Variants in PAMR1 observed in about 807,000 individuals in gnomAD.
PAMR1 encodes peptidase domain containing associated with muscle regeneration 1, also known as inactive serine protease PAMR1.
A neutral mutation model predicts 81.8 loss-of-function variants in PAMR1; 88 were observed. That is an observed-to-expected ratio of 1.08 (90% CI 0.91 to 1.28). The LOEUF is 1.28. PAMR1 is among the 50% of genes most tolerant of loss of function. The pLI is 0.00. For missense variants in PAMR1, 935 were observed against 919.7 expected (o/e 1.02, Z -0.21); for synonymous variants, 336 against 345.3 (o/e 0.97, Z 0.30).
intron 6 of PAMR1, among the ~76,000 whole-genome samples, chr11:35,464,688 AG>A (rs889794112): frequency 9.9e-5 from 15 of 152,244 alleles, no homozygotes; most frequent in African/African-American, 3.1e-4. Context: ...GCAGAAAAAA[AG>A]GTCTAGAAGA....
chr11:35,434,945 C>G lies in PAMR1; in HGVS notation c.1334-141G>C, dbSNP rs142515446. ...CCACTAAGATAAGTAACCCAGTTTT[C>G]TTCTGCATTTAAATATTAATCAACC... On this transcript the variant is annotated intron_variant, in intron 9 of 10. Transcript: ENST00000619888. 912 of 757,478 alleles carry G rather than the reference C, an allele frequency of 1.2e-3. 4 individuals are homozygous for G. In the African/African-American group the frequency reaches 0.014, roughly 12 times the overall value. 46.9% of individuals were successfully genotyped at this position (757,478 alleles called of 1,614,324 possible).
intron 6 of PAMR1, among the ~76,000 whole-genome samples, chr11:35,446,961 A>C (rs1856305610): frequency 6.6e-6 from 1 of 152,018 alleles, no homozygotes; most frequent in Admixed American, 6.6e-5. Context: ...TTTGTATGGG[A>C]GTGTAAGTCT....
rs142152713 is a variant in PAMR1, at chr11:35,513,368, C to T, written c.73+12145G>A. 7 of 152,270 alleles carry T rather than the reference C, an allele frequency of 4.6e-5. No individual in the cohort carries two copies. In the East Asian group the frequency reaches 1.4e-3, roughly 29 times the overall value. The allele number at this position is 152,270 out of a possible 1,614,324, so 9.4% of individuals were successfully genotyped here. A position where few individuals can be genotyped will look rare whatever the true frequency, so the allele number is the denominator to read the frequency against. On this transcript the variant is annotated intron_variant, in intron 1 of 10. Transcript: ENST00000619888. The stretch of plus-strand genomic sequence containing the variant: ...CTGAGGTCCAGAGGGGTTAAATACT[C>T]ACAAGTAGTAAGTAGCAGAGACAGG...
At chr11:35,528,113 G>T (rs1851419887), upstream of PAMR1, among the ~76,000 whole-genome samples, 1 of 151,998 alleles carries the variant, frequency 6.6e-6, no homozygotes, top group Non-Finnish European at 1.5e-5. Context: ...GAACCTGAAG[G>T]ATAGCAGTCT....
intron 1 of PAMR1, among the ~76,000 whole-genome samples, chr11:35,503,906 T>C (rs1850901591): frequency 6.6e-6 from 1 of 152,180 alleles, no homozygotes; most frequent in African/African-American, 2.4e-5. Flanking sequence ...AGTATTATAA[T>C]GAATAATAAA....
intron 1 of PAMR1, among the ~76,000 whole-genome samples, chr11:35,521,872 A>T (rs1043441215): frequency 4.6e-5 from 7 of 152,100 alleles, no homozygotes; most frequent in African/African-American, 1.7e-4. Flanking sequence ...TGTGGAAAAT[A>T]TATACATAAC....
At chr11:35,444,089 A>T (rs1345931273) in intron 6 of PAMR1, among the ~76,000 whole-genome samples, 1 of 152,262 alleles carries the variant, frequency 6.6e-6, no homozygotes, top group Non-Finnish European at 1.5e-5. Context: ...AACTGACTTC[A>T]AATTATACTA....
At chr11:35,501,836 G>A (rs1850850527) in intron 1 of PAMR1, among the ~76,000 whole-genome samples, 1 of 152,070 alleles carries the variant, frequency 6.6e-6, no homozygotes, top group Non-Finnish European at 1.5e-5. Context: ...ATCATCCACC[G>A]ATGGGTACTT....
At chr11:35,518,125 C>T (rs1851202006) in intron 1 of PAMR1, among the ~76,000 whole-genome samples, 1 of 152,092 alleles carries the variant, frequency 6.6e-6, no homozygotes, top group African/African-American at 2.4e-5. Context: ...AAAAGGGAGG[C>T]TGAACACCAT....
intron 6 of PAMR1, among the ~76,000 whole-genome samples, chr11:35,449,267 C>A (rs1856360659): frequency 6.6e-6 from 1 of 151,106 alleles, no homozygotes; most frequent in Non-Finnish European, 1.5e-5. Context: ...GAGATCATGA[C>A]TGCCTCCCCA....
chr11:35,466,170 T>C (rs1856752967), intron 6 of PAMR1, among the ~76,000 whole-genome samples: 1 of 152,178 alleles, frequency 6.6e-6, no homozygotes, highest in South Asian at 2.1e-4. Context: ...TATTTGCTAT[T>C]GTCAAGAATC....
At chr11:35,498,212 G>A (rs958383966) in intron 1 of PAMR1, among the ~76,000 whole-genome samples, 2 of 152,196 alleles carry the variant, frequency 1.3e-5, no homozygotes, top group Non-Finnish European at 2.9e-5. Flanking sequence ...CACATTTTAT[G>A]TTATCTACAT....
upstream of PAMR1, among the ~76,000 whole-genome samples, chr11:35,526,956 G>T (rs61089142): frequency 0.21 from 32,342 of 152,038 alleles, 3,706 homozygotes; most frequent in Non-Finnish European, 0.25. Flanking sequence ...GCAAAGTCTC[G>T]GGAAGAGAAG....
At position 35,494,120 on chromosome 11, in the gene PAMR1, A is replaced by G. The variant is rs759136784; in HGVS notation, c.226T>C (p.Cys76Arg). Reference protein sequence around the residue: ...IPCCRNEENECDSCLIHPGCT... With the variant: ...IPCCRNEENERDSCLIHPGCT... ...CCTGGGTGGATCAGGCAGGAGTCAC[A>G]CTCATTCTCCTCATTCCTGCAGCAA... Residue 76 changes from cysteine (C) to arginine (R), a missense_variant, in exon 2 of 11, where the codon TGT becomes CGT. Cys to Arg is a radical substitution (Grantham distance 180). Transcript: ENST00000619888. 8 of 1,613,980 alleles carry G rather than the reference A, an allele frequency of 5.0e-6. 1 individual carries two copies. The South Asian group carries it at 6.6e-5, about 13-fold the overall frequency.
chr11:35,522,850 G>T (rs1042653853), intron 1 of PAMR1, among the ~76,000 whole-genome samples: 2 of 152,202 alleles, frequency 1.3e-5, no homozygotes, highest in Non-Finnish European at 2.9e-5. Context: ...CCATTTCAGG[G>T]TGGTCTGAGA....
At chr11:35,433,703 G>A (rs1590311297) in intron 10 of PAMR1, among the ~76,000 whole-genome samples, 2 of 152,216 alleles carry the variant, frequency 1.3e-5, no homozygotes, top group African/African-American at 4.8e-5. Context: ...ACAATAGATG[G>A]ACAGGTAGGT....
chr11:35,519,428 C>G (rs1196853305), intron 1 of PAMR1, among the ~76,000 whole-genome samples: 1 of 2,230 alleles, frequency 4.5e-4, no homozygotes, highest in African/African-American at 2.1e-3. Context: ...AATGTCAGGG[C>G]CACACTGGAA....
chr11:35,494,906 G>GGTTCTATTGGTTATATAATTGGT (rs1452180533), intron 1 of PAMR1, among the ~76,000 whole-genome samples: 1 of 152,214 alleles, frequency 6.6e-6, no homozygotes, highest in Non-Finnish European at 1.5e-5. Context: ...AATAGAACCT[G>GGTTCTATTGGTTATATAATTGGT]TATATAATTT....
chr11:35,479,646 C>T (rs1850347191), intron 3 of PAMR1, among the ~76,000 whole-genome samples: 1 of 152,152 alleles, frequency 6.6e-6, no homozygotes, highest in Admixed American at 6.5e-5. Context: ...ACAGGTTTAG[C>T]ATCCCAGACA....
Sources: gnomAD v4.1 joint callset for allele counts (sites outside exome capture counted in the v4.1 genomes callset) on GRCh38, gnomAD v4.1.1 for gene constraint, MANE v1.5 for transcripts, NCBI Gene and HGNC (gene_info 2026-07-23, HGNC 2026-07-21) for gene names.